The following DNAJC7 variants were observed in gnomAD, a reference collection of about 807,000 sequenced individuals.
DNAJC7 encodes the protein DnaJ heat shock protein family (Hsp40) member C7.
A neutral mutation model predicts 67.4 loss-of-function variants in DNAJC7; 18 were observed. That is an observed-to-expected ratio of 0.27 (90% CI 0.18 to 0.40). DNAJC7 has a LOEUF of 0.40. DNAJC7 is among the 10% of genes least tolerant of loss of function. The probability of loss-of-function intolerance (pLI) is 1.00; values close to 1 mark genes in which losing one functional copy is unlikely to be tolerated. For synonymous variants in DNAJC7, 220 were observed against 207.8 expected (o/e 1.06, Z -0.50); for missense variants, 419 against 613.8 (o/e 0.68, Z 3.35).
rs2051085952 is a variant in DNAJC7, at chr17:41,976,585, A to G, written c.*148T>C. 2.0e-6 allele frequency: 2 copies of G among 991,824 alleles called. No individual in the cohort carries two copies. The highest frequency in any genetic ancestry group is 1.7e-5 in the African/African-American group (1 of 58,480). The allele number at this position is 991,824 out of a possible 1,614,324, so 61.4% of individuals were successfully genotyped here. A position where few individuals can be genotyped will look rare whatever the true frequency, so the allele number is the denominator to read the frequency against. On this transcript the variant is annotated 3_prime_UTR_variant, in exon 14 of 14. Coordinates refer to ENST00000457167, the MANE Select transcript of DNAJC7 (RefSeq NM_003315.4). ...GCATTGGTTCCCTTTGCTCCACCCCACTCACAGAGACACAGGGCATCCAAC... is the reference window on the plus strand; with the variant it reads ...GCATTGGTTCCCTTTGCTCCACCCCGCTCACAGAGACACAGGGCATCCAAC...
chr17:42,013,612 C>G (rs1555651389), intron 1 of DNAJC7: 2 of 152,266 alleles, frequency 1.3e-5, no homozygotes, highest in Non-Finnish European at 1.5e-5. Context: ...CCAAGCCAGA[C>G]AGTAAAAGGG....
rs782245508 is a variant in DNAJC7, at chr17:41,988,812, T to C, written c.838A>G (p.Thr280Ala). Residue 280 changes from threonine (T) to alanine (A), a missense_variant, in exon 8 of 14, where the codon ACA becomes GCA. Coordinates refer to ENST00000457167, the MANE Select transcript of DNAJC7 (RefSeq NM_003315.4). ...GNYKLAYELYTEALGIDPNNI... is the reference protein window; with the variant it reads ...GNYKLAYELYAEALGIDPNNI... ...TTGGGGTCTATCCCCAGGGCTTCTG[T>C]GTACAGTTCATATGCTAGTTTGTAA... The C allele has an allele frequency of 2.5e-6, 4 of 1,613,958 alleles. No individual in the cohort carries two copies. Among genetic ancestry groups the C allele is most frequent in the Non-Finnish European group, 3.4e-6 (4 of 1,179,860 alleles).
chr17:41,977,526 A>C, intron 12 of DNAJC7: 1 of 473,900 alleles, frequency 2.1e-6, no homozygotes, highest in East Asian at 3.6e-5. Context: ...CTCCTAGGAC[A>C]TGTTCCCTTC....
chr17:41,983,683 G>C (rs2051305338), intron 9 of DNAJC7, 47 bp from the exon 10 acceptor site: 1 of 1,538,070 alleles, frequency 6.5e-7, no homozygotes, highest in African/African-American at 1.4e-5. Context: ...ATAAATAGCA[G>C]TGGTTCTCAG....
chr17:42,002,296 C>T (rs2143282785), intron 1 of DNAJC7, among the ~76,000 whole-genome samples: 1 of 152,318 alleles, frequency 6.6e-6, no homozygotes, highest in East Asian at 1.9e-4. Flanking sequence ...CTTCAGTTGG[C>T]TAGTGGCTAA....
At chr17:41,990,451 G>C in intron 5 of DNAJC7, 69 bp from the exon 6 acceptor site, 1 of 1,369,462 alleles carries the variant, frequency 7.3e-7, no homozygotes, top group Non-Finnish European at 1.0e-6. Flanking sequence ...CTTTAGTTTA[G>C]TCACAGGTAA....
At chr17:42,000,050 C>A (rs2051766320) in intron 2 of DNAJC7, among the ~76,000 whole-genome samples, 1 of 137,072 alleles carries the variant, frequency 7.3e-6, no homozygotes, top group African/African-American at 2.8e-5. Context: ...AACCCCTGAT[C>A]TAAAGTGATC....
In DNAJC7 at chr17:41,997,120, C is replaced by G; in HGVS notation, c.286G>C (p.Val96Leu). ...CAGCCCCATTACATACATACCCGGA[C>G]AAAACTGTCATCCAACCTCACTGAC... ...QQSVRLDDSF[V>L]RGHLREGKCH... The change falls in exon 3 of 14, where the codon GTC (valine) becomes CTC (leucine). Residue 96 changes from valine to leucine, a missense_variant. This residue lies in a region of DNAJC7 where 179 missense variants were observed against 249.7 expected (regional missense o/e 0.72). Coordinates refer to ENST00000457167, the MANE Select transcript of DNAJC7 (RefSeq NM_003315.4). 6.2e-7 allele frequency: 1 copy of G among 1,613,908 alleles called. No individual in the cohort carries two copies. Among genetic ancestry groups the G allele is most frequent in the Non-Finnish European group, 8.5e-7 (1 of 1,179,822 alleles).
intron 1 of DNAJC7, chr17:42,000,876 A>G: frequency 5.0e-6 from 1 of 198,786 alleles, no homozygotes; most frequent in Non-Finnish European, 1.0e-5. Context: ...CGCAGGACAA[A>G]TTTAGACATT....
intron 9 of DNAJC7, chr17:41,985,299 C>T (rs1555646597): frequency 6.6e-6 from 1 of 150,946 alleles, no homozygotes; most frequent in East Asian, 1.9e-4. Flanking sequence ...AAATACAGGA[C>T]ATAAATATTA....
At chr17:41,998,708 A>T (rs2051724930) in intron 2 of DNAJC7, among the ~76,000 whole-genome samples, 1 of 152,164 alleles carries the variant, frequency 6.6e-6, no homozygotes, top group Non-Finnish European at 1.5e-5. Context: ...ACACGGGATT[A>T]AAGTATGCTG....
At chr17:41,992,155 G>C (rs940939147) in intron 5 of DNAJC7, among the ~76,000 whole-genome samples, 6 of 152,046 alleles carry the variant, frequency 3.9e-5, no homozygotes, top group African/African-American at 1.4e-4. Context: ...TTACTGTCCT[G>C]AAAGTTTTCT....
rs184310883 is a variant in DNAJC7 at position 42,008,700 on chromosome 17, G to A, written c.78-8130C>T. Among the ~76,000 whole-genome samples the A allele has an allele frequency of 2.8e-4, 43 of 151,312 alleles. No homozygotes were observed. In the East Asian group the frequency reaches 7.5e-3, roughly 26 times the overall value. On this transcript the variant is annotated intron_variant, in intron 1 of 13. Coordinates refer to ENST00000457167, the MANE Select transcript of DNAJC7 (RefSeq NM_003315.4). ...GCTGGGATTACAGGCGTGAGCCACC[G>A]CGCCGGGTCAGACATATATTTTTTG... is the stretch of plus-strand genomic sequence containing the variant.
intron 1 of DNAJC7, among the ~76,000 whole-genome samples, chr17:42,009,813 C>A (rs1555650845): frequency 6.6e-6 from 1 of 152,184 alleles, no homozygotes; most frequent in South Asian, 2.1e-4. Context: ...ACACCAGCAC[C>A]CATCAAAAAT....
intron 5 of DNAJC7, among the ~76,000 whole-genome samples, chr17:41,992,364 G>A (rs1264833442): frequency 6.6e-6 from 1 of 151,974 alleles, no homozygotes; most frequent in Admixed American, 6.6e-5. Flanking sequence ...AGTAAAGACA[G>A]GGTTTCTCCA....
At position 41,988,901 on chromosome 17, in the gene DNAJC7, A is replaced by G; in HGVS notation, c.754-5T>C. 6.2e-7 allele frequency: 1 copy of G among 1,613,074 alleles called. No homozygotes were observed. The highest frequency in any genetic ancestry group is 8.5e-7 in the Non-Finnish European group (1 of 1,179,674). On this transcript the variant is annotated splice_region_variant and splice_polypyrimidine_tract_variant and intron_variant, in intron 7 of 13. Coordinates refer to ENST00000457167, the MANE Select transcript of DNAJC7 (RefSeq NM_003315.4). ...TGCTTTGAGTGCTTTGGCATTCTAC[A>G]GAAAAAAGCAAGGGGAGGATCGGTT...
At chr17:41,981,098 C>T (rs537157008) in intron 12 of DNAJC7, among the ~76,000 whole-genome samples, 2 of 152,288 alleles carry the variant, frequency 1.3e-5, no homozygotes, top group African/African-American at 2.4e-5. Flanking sequence ...TGCAGTAGCG[C>T]CATCTTGGCT....
At chr17:41,994,785 C>T in intron 5 of DNAJC7, 85 bp downstream of exon 5, 1 of 1,164,492 alleles carries the variant, frequency 8.6e-7, no homozygotes, top group Non-Finnish European at 1.3e-6. Context: ...TTGTGCCATA[C>T]TACTCCTCTT....
intron 1 of DNAJC7, chr17:42,015,602 T>C (rs2052245811): frequency 6.6e-6 from 1 of 151,252 alleles, no homozygotes; most frequent in Non-Finnish European, 1.5e-5. Flanking sequence ...CCCAGCACTT[T>C]GGGAGGCCGA....
Sources: allele counts gnomAD v4.1 joint callset (sites outside exome capture counted in the v4.1 genomes callset), GRCh38; gene constraint gnomAD v4.1.1; regional missense constraint gnomAD v4.1.1; transcripts MANE v1.5; gene names NCBI Gene and HGNC (gene_info 2026-07-23, HGNC 2026-07-21).